The following SLC19A1 variants were observed in gnomAD, a reference collection of about 807,000 sequenced individuals.
SLC19A1 encodes solute carrier family 19 member 1, also known as reduced folate transporter.
In SLC19A1, 37 loss-of-function variants were observed where a neutral mutation model predicts 35.3. That is an observed-to-expected ratio of 1.05 (90% CI 0.81 to 1.38). SLC19A1 has a LOEUF of 1.38. Among genes scored for constraint, SLC19A1 ranks in the 40% most tolerant of loss-of-function variants. SLC19A1 has a pLI of 0.00. For missense variants in SLC19A1, 831 were observed against 826.9 expected (o/e 1.00, Z -0.06); for synonymous variants, 460 against 398.5 (o/e 1.15, Z -1.84).
chr21:45,503,466 A>T (rs2036975277), intron 3 of SLC19A1, among the ~76,000 whole-genome samples: 1 of 151,834 alleles, frequency 6.6e-6, no homozygotes, highest in African/African-American at 2.4e-5. Flanking sequence ...ATAAAAAATG[A>T]TGAGTTCATG....
rs780961008 is a variant in SLC19A1, at chr21:45,507,562, T to C, written c.498-8950A>G. Reference sequence around the variant, plus strand: ...GGTGACCCTGCTGCTTTCTTCCAGCTGGAGGCCCGGACACCACTCCCACGA... The same window carrying C: ...GGTGACCCTGCTGCTTTCTTCCAGCCGGAGGCCCGGACACCACTCCCACGA... On this transcript the variant is annotated intron_variant, in intron 3 of 4. Transcript: ENST00000417954. 6.8e-6 allele frequency: 11 copies of C among 1,612,822 alleles called. No individual in the cohort carries two copies. Among genetic ancestry groups the C allele is most frequent in the Non-Finnish European group, 8.5e-6 (10 of 1,179,882 alleles).
At chr21:45,506,404 G>A (rs748056847) in intron 3 of SLC19A1, 12 of 323,614 alleles carry the variant, frequency 3.7e-5, no homozygotes, top group Non-Finnish European at 6.7e-5. Flanking sequence ...CACCAAGGTG[G>A]GATGAAATGC....
At position 45,515,944 on chromosome 21, in the gene SLC19A1, G is replaced by A. The variant is rs1214326611; in HGVS notation, c.1490C>T (p.Ala497Val). Residue 497 changes from alanine to valine, a missense_variant, in exon 6 of 6, where the codon GCC (alanine) becomes GTC (valine). Physicochemically the swap from Ala to Val is moderately conservative, Grantham distance 64. Coordinates refer to ENST00000311124, the MANE Select transcript of SLC19A1 (RefSeq NM_194255.4). ...QDKGLGGLQP[A>V]QSPPLSPEDS... Reference sequence around the variant, plus strand: ...TTCTGGGGAAAGCGGCGGGCTCTGGGCTGGCTGCAGGCCTCCGAGGCCCTT... The same window carrying A: ...TTCTGGGGAAAGCGGCGGGCTCTGGACTGGCTGCAGGCCTCCGAGGCCCTT... 1 of 1,538,608 alleles carries A rather than the reference G, an allele frequency of 6.5e-7. No individual in the cohort carries two copies. The highest frequency in any genetic ancestry group is 1.2e-5 in the South Asian group (1 of 82,010).
chr21:45,510,131 A>G, downstream of SLC19A1: 1 of 1,600,692 alleles, frequency 6.2e-7, no homozygotes, highest in Non-Finnish European at 8.5e-7. Flanking sequence ...GCCGACTTCC[A>G]GTGCTTCCAG....
rs570406160 is a variant in SLC19A1, at chr21:45,531,895, C to T, written c.443G>A (p.Arg148His). Residue 148 changes from arginine (R) to histidine (H), a missense_variant, in exon 3 of 6, where the codon CGC (arginine) becomes CAC (histidine). Arg to His is a conservative substitution (Grantham distance 29, BLOSUM62 0). Transcript: ENST00000311124. ...CGAGTAGCCGGCCACACGCTGGTAG[C>T]GCGCGGGCCGCACGAGAGAGAAGAT... ...SYIFSLVRPA[R>H]YQRVAGYSRA... is the part of the protein sequence containing the mutation. 82 of 1,587,124 alleles carry T rather than the reference C, an allele frequency of 5.2e-5. No individual in the cohort carries two copies. The highest frequency in any genetic ancestry group is 6.8e-5 in the Non-Finnish European group (79 of 1,167,598).
chr21:45,506,981 C>T (rs554538539), intron 3 of SLC19A1: 4 of 276,452 alleles, frequency 1.4e-5, no homozygotes, highest in South Asian at 1.0e-4. Flanking sequence ...TGTAGGCACC[C>T]GGATGCAGCC....
chr21:45,533,989 C>T lies in SLC19A1; in HGVS notation c.190-1841G>A, dbSNP rs1327550648. 6.6e-6 allele frequency among the ~76,000 whole-genome samples: 1 copy of T among 152,028 alleles called. No homozygotes were observed. Among genetic ancestry groups the T allele is most frequent in the African/African-American group, 2.4e-5 (1 of 41,410 alleles). On this transcript the variant is annotated intron_variant, in intron 2 of 5. Coordinates refer to ENST00000311124, the MANE Select transcript of SLC19A1 (RefSeq NM_194255.4). The surrounding 1 kb of genome is among the most constrained non-coding windows in gnomAD (Gnocchi z 4.5). ...CCCACCTCAGGGCACCCTGAGGTCGCACCCTGGAGCCTGCACCCTCATGGA... is the reference window on the plus strand; with the variant it reads ...CCCACCTCAGGGCACCCTGAGGTCGTACCCTGGAGCCTGCACCCTCATGGA...
chr21:45,543,017 C>G (rs1039529757), upstream of SLC19A1, among the ~76,000 whole-genome samples: 2 of 152,132 alleles, frequency 1.3e-5, no homozygotes, highest in Admixed American at 6.5e-5. Flanking sequence ...CCCCCGGGAC[C>G]CCGCCGCCCG....
At chr21:45,537,042 G>C (rs1425601622) in intron 2 of SLC19A1, among the ~76,000 whole-genome samples, 1 of 152,218 alleles carries the variant, frequency 6.6e-6, no homozygotes, top group African/African-American at 2.4e-5. Flanking sequence ...TCATGGCTGA[G>C]TAAAATGAAA....
In SLC19A1 at chr21:45,533,985, G is replaced by T. The variant is rs549914134; in HGVS notation, c.190-1837C>A. Among the ~76,000 whole-genome samples, 61 of 152,136 alleles carry T rather than the reference G, an allele frequency of 4.0e-4. 1 individual carries two copies. The South Asian group carries it at 0.012, about 30-fold the overall frequency. ...AGACCCCACCTCAGGGCACCCTGAG[G>T]TCGCACCCTGGAGCCTGCACCCTCA... is the stretch of plus-strand genomic sequence containing the variant. On this transcript the variant is annotated intron_variant, in intron 2 of 5. Coordinates refer to ENST00000311124, the MANE Select transcript of SLC19A1 (RefSeq NM_194255.4). This position sits in a 1 kb window ranked among gnomAD's most constrained non-coding sequence, Gnocchi z 4.5.
intron 4 of SLC19A1, among the ~76,000 whole-genome samples, chr21:45,529,762 T>A (rs1035559202): frequency 1.3e-5 from 2 of 151,452 alleles, no homozygotes; most frequent in African/African-American, 4.9e-5. Flanking sequence ...TGTGTAAGCA[T>A]GTGGTGTGTT....
At chr21:45,508,717 G>A (rs2037399328), downstream of SLC19A1, among the ~76,000 whole-genome samples, 1 of 152,142 alleles carries the variant, frequency 6.6e-6, no homozygotes, top group Admixed American at 6.5e-5. Context: ...TCACTCATTT[G>A]CTGATTCATT....
intron 2 of SLC19A1, among the ~76,000 whole-genome samples, chr21:45,537,149 C>G (rs1014504257): frequency 2.0e-5 from 3 of 152,170 alleles, no homozygotes; most frequent in Non-Finnish European, 2.9e-5. Flanking sequence ...CCAGGAGGGC[C>G]GATGAGCACG....
chr21:45,545,595 T>A (rs2078406133), upstream of SLC19A1, among the ~76,000 whole-genome samples: 1 of 151,446 alleles, frequency 6.6e-6, no homozygotes, highest in Non-Finnish European at 1.5e-5. Flanking sequence ...CCCTCATACG[T>A]ACACACACGT....
chr21:45,539,381 T>C (rs2146442154), intron 1 of SLC19A1, among the ~76,000 whole-genome samples: 1 of 152,292 alleles, frequency 6.6e-6, no homozygotes, highest in Non-Finnish European at 1.5e-5. Flanking sequence ...CGCCGTCCCA[T>C]CTGCACTGGG....
chr21:45,530,240 GGT>G lies in SLC19A1; in HGVS notation c.1151+528_1151+529del, dbSNP rs111266278. ...GAACATGGTGTGTGTCCGTGTGTGT[GGT>G]GTGTTCATGTGCGATATATCCATGT... On this transcript the variant is annotated intron_variant, in intron 4 of 5. Transcript: ENST00000311124. This position sits in a 1 kb window ranked among gnomAD's most constrained non-coding sequence, Gnocchi z 5.3. Among the ~76,000 whole-genome samples, 1,126 of 151,414 alleles carry G rather than the reference GGT, an allele frequency of 7.4e-3. 13 individuals carry two copies. Among genetic ancestry groups the G allele is most frequent in the African/African-American group, 0.026 (1,055 of 41,066 alleles).
chr21:45,545,274 C>T (rs2078402185), upstream of SLC19A1, among the ~76,000 whole-genome samples: 1 of 152,114 alleles, frequency 6.6e-6, no homozygotes, highest in Non-Finnish European at 1.5e-5. Flanking sequence ...ATCATGAGGA[C>T]GGATCCCTCA....
chr21:45,524,139 A>G (rs1335807509), intron 5 of SLC19A1, among the ~76,000 whole-genome samples: 2 of 141,292 alleles, frequency 1.4e-5, no homozygotes, highest in Non-Finnish European at 3.1e-5. Flanking sequence ...ACCTGCCCTA[A>G]GCGTTCACCC....
chr21:45,552,432 C>T lies in SLC19A1; in HGVS notation c.-50+10310G>A, dbSNP rs367890890. ...GTGTGGACATCGGTGGCTGTTGGGT[C>T]GGGGGCCCCAGGGAGAGCCCCTGGG... is the stretch of plus-strand genomic sequence containing the variant. On this transcript the variant is annotated intron_variant, in intron 1 of 5. Coordinates refer to the SLC19A1 transcript ENST00000650808. Among the ~76,000 whole-genome samples, 504 of 151,930 alleles carry T rather than the reference C, an allele frequency of 3.3e-3. 2 individuals carry two copies. Among genetic ancestry groups the T allele is most frequent in the South Asian group, 5.7e-3 (27 of 4,766 alleles).
Sources: gnomAD v4.1 joint callset for allele counts (sites outside exome capture counted in the v4.1 genomes callset) on GRCh38, gnomAD v4.1.1 for gene constraint, Gnocchi (gnomAD v3.1) non-coding constraint, MANE v1.5 for transcripts, NCBI Gene and HGNC (gene_info 2026-07-23, HGNC 2026-07-21) for gene names.